TANC1: variants seen among roughly 807,000 people sequenced by gnomAD.
TANC1 encodes the protein protein TANC1.
Under a neutral mutation model 149.7 loss-of-function variants are expected in TANC1, and 77 were observed. That is an observed-to-expected ratio of 0.51 (90% CI 0.43 to 0.62). The LOEUF (loss-of-function observed/expected upper bound fraction) is 0.62, where lower values mean the gene tolerates loss of function less well. Ranked by LOEUF, TANC1 falls within the 20% of genes least tolerant of loss-of-function variation. The pLI is 0.00. For missense variants in TANC1, 1,985 were observed against 2,321.8 expected, an observed-to-expected ratio of 0.85 and a Z score of 2.98; for synonymous variants, 854 against 925.0, an observed-to-expected ratio of 0.92 and a Z score of 1.39.
At chr2:159,009,279 G>A (rs1185517464) in intron 2 of TANC1, among the ~76,000 whole-genome samples, 1 of 152,178 alleles carries the variant, frequency 6.6e-6, no homozygotes, top group Non-Finnish European at 1.5e-5. Flanking sequence ...CCCAAGGAGA[G>A]GAAATCAGTA....
At chr2:159,136,867 A>T (rs1461403844) in intron 5 of TANC1, among the ~76,000 whole-genome samples, 1 of 151,936 alleles carries the variant, frequency 6.6e-6, no homozygotes, top group Non-Finnish European at 1.5e-5. Flanking sequence ...TATACCTGGA[A>T]ATATGTGTGA....
intron 7 of TANC1, among the ~76,000 whole-genome samples, chr2:159,159,455 A>C (rs1315842887): frequency 6.6e-6 from 1 of 151,842 alleles, no homozygotes; most frequent in East Asian, 1.9e-4. Flanking sequence ...AAAAAAAAAA[A>C]AACTTTGGGA....
rs746076889 is a variant in TANC1, at chr2:159,186,811, C to T, written c.2620-91C>T. On this transcript the variant is annotated intron_variant, in intron 15 of 26. Transcript: ENST00000263635. ...AGGTATCTGCACCCTCTGCGGCAGA[C>T]CCACTTTCAGAGTGACCCTGCAGGT... is the stretch of plus-strand genomic sequence containing the variant. 138 of 1,550,998 alleles carry T rather than the reference C, an allele frequency of 8.9e-5. 1 individual carries two copies. The highest frequency in any genetic ancestry group is 5.2e-4 in the Middle Eastern group (3 of 5,742).
chr2:159,081,007 G>A (rs185196017), intron 3 of TANC1, among the ~76,000 whole-genome samples: 2 of 152,278 alleles, frequency 1.3e-5, no homozygotes, highest in East Asian at 3.9e-4. Context: ...TGTGGGAATG[G>A]TAGGCCAGGC....
chr2:159,127,456 C>T (rs762007130), intron 4 of TANC1, among the ~76,000 whole-genome samples: 23 of 152,316 alleles, frequency 1.5e-4, no homozygotes, highest in Non-Finnish European at 3.1e-4. Context: ...AATCCCATTA[C>T]GAGGTATATA....
chr2:159,124,217 G>T (rs1291630640), intron 4 of TANC1, among the ~76,000 whole-genome samples: 1 of 152,140 alleles, frequency 6.6e-6, no homozygotes, highest in Non-Finnish European at 1.5e-5. Context: ...AATTAGCCGG[G>T]TGTGGTGGTG....
In TANC1 at chr2:159,011,356, G is replaced by C. The variant is rs143312690; in HGVS notation, c.-16+10167G>C. Among the ~76,000 whole-genome samples, 686 of 152,104 alleles carry C rather than the reference G, an allele frequency of 4.5e-3. 5 individuals carry two copies. The highest frequency in any genetic ancestry group is 0.015 in the African/African-American group (640 of 41,492). ...ACAACAAAAAAAAACCTTTTTTAAAGATAGTAAGATCTCAAATCTACTCCT... is the reference window on the plus strand; with the variant it reads ...ACAACAAAAAAAAACCTTTTTTAAACATAGTAAGATCTCAAATCTACTCCT... On this transcript the variant is annotated intron_variant, in intron 2 of 26. Transcript: ENST00000263635.
intron 3 of TANC1, among the ~76,000 whole-genome samples, chr2:159,069,952 GT>G (rs777909364): frequency 6.6e-6 from 1 of 151,064 alleles, no homozygotes; most frequent in Non-Finnish European, 1.5e-5. Flanking sequence ...TGCTGTTGTT[GT>G]TTTTTTTAAT....
At chr2:159,083,790 G>A (rs949954530) in intron 3 of TANC1, among the ~76,000 whole-genome samples, 1 of 152,072 alleles carries the variant, frequency 6.6e-6, no homozygotes, top group Non-Finnish European at 1.5e-5. Context: ...AATATGGTTA[G>A]CTGTAGTCAG....
At chr2:159,210,879 T>TG (rs2058940232) in intron 19 of TANC1, among the ~76,000 whole-genome samples, 1 of 151,018 alleles carries the variant, frequency 6.6e-6, no homozygotes, top group South Asian at 2.1e-4. Context: ...TCTTTTAATT[T>TG]TTTTTTTTTT....
intron 2 of TANC1, among the ~76,000 whole-genome samples, chr2:159,014,942 G>A (rs1045201456): frequency 6.6e-6 from 1 of 152,220 alleles, no homozygotes; most frequent in Non-Finnish European, 1.5e-5. Context: ...TGGCATGAGT[G>A]TCTGTGGATT....
chr2:159,035,056 G>A (rs2040072231), intron 2 of TANC1, among the ~76,000 whole-genome samples: 1 of 152,204 alleles, frequency 6.6e-6, no homozygotes, highest in African/African-American at 2.4e-5. Flanking sequence ...GTGGTCTGAG[G>A]AGGCCCAGTG....
rs1217413564 is a variant in TANC1, at chr2:159,148,534, GAC to G, written c.365-606_365-605del. 5.9e-5 allele frequency: 9 copies of G among 152,376 alleles called. No homozygotes were observed. In the East Asian group the frequency reaches 1.7e-3, roughly 29 times the overall value. 9.4% of individuals were successfully genotyped at this position (152,376 alleles called of 1,614,324 possible). A position where few individuals can be genotyped will look rare whatever the true frequency, so the allele number is the denominator to read the frequency against. ...AGTGGTACTGGGTCCTGTCTCTTGG[GAC>G]AAGTTTCACTGTGATTTTAAATTTT... is the stretch of plus-strand genomic sequence containing the variant. On this transcript the variant is annotated intron_variant, in intron 5 of 26. Coordinates refer to ENST00000263635, the MANE Select transcript of TANC1 (RefSeq NM_033394.3).
In TANC1 at chr2:159,001,709, A is replaced by T. The variant is rs1402335981; in HGVS notation, c.-16+520A>T. 6.6e-6 allele frequency among the ~76,000 whole-genome samples: 1 copy of T among 152,220 alleles called. No individual in the cohort carries two copies. The highest frequency in any genetic ancestry group is 1.5e-5 in the Non-Finnish European group (1 of 68,048). ...TCAGAGATGAGGTAAACTCTGCTGT[A>T]CAGATGAGGAATCTCAGGTTTAACC... On this transcript the variant is annotated intron_variant, in intron 2 of 26. Coordinates refer to ENST00000263635, the MANE Select transcript of TANC1 (RefSeq NM_033394.3). The surrounding 1 kb of genome is among the most constrained non-coding windows in gnomAD (Gnocchi z 4.3).
In TANC1 at chr2:159,143,100, A is replaced by T. The variant is rs891327903; in HGVS notation, c.365-6042A>T. On this transcript the variant is annotated intron_variant, in intron 5 of 26. Transcript: ENST00000263635. Reference sequence around the variant, plus strand: ...AAAACAACAAAACAAAACAAAAAAAAACAAAAAACCAACTCTGACAGGATT... The same window carrying T: ...AAAACAACAAAACAAAACAAAAAAATACAAAAAACCAACTCTGACAGGATT... 3.0e-4 allele frequency among the ~76,000 whole-genome samples: 46 copies of T among 151,848 alleles called. 1 individual carries two copies. Among genetic ancestry groups the T allele is most frequent in the Non-Finnish European group, 1.2e-4 (8 of 67,962 alleles).
chr2:159,206,151 A>G (rs2058591208), intron 19 of TANC1, among the ~76,000 whole-genome samples: 2 of 152,142 alleles, frequency 1.3e-5, no homozygotes, highest in Admixed American at 6.6e-5. Flanking sequence ...CGTGGGAGGG[A>G]CCACCCAGGA....
chr2:159,121,853 A>G (rs1297693803), intron 4 of TANC1, among the ~76,000 whole-genome samples: 1 of 152,230 alleles, frequency 6.6e-6, no homozygotes, highest in Non-Finnish European at 1.5e-5. Flanking sequence ...ATACTGTCGG[A>G]GGGTCTGCTT....
At chr2:159,203,310 G>C (rs1238329192) in intron 19 of TANC1, among the ~76,000 whole-genome samples, 1 of 151,744 alleles carries the variant, frequency 6.6e-6, no homozygotes, top group Non-Finnish European at 1.5e-5. Context: ...TGGTTCAAGG[G>C]CTTCTCCTGC....
In TANC1 at chr2:159,115,865, C is replaced by T. The variant is rs1057091890; in HGVS notation, c.259+18031C>T. Among the ~76,000 whole-genome samples the T allele has an allele frequency of 9.9e-5, 15 of 152,246 alleles. 1 individual carries two copies. Among genetic ancestry groups the T allele is most frequent in the Admixed American group, 7.8e-4 (12 of 15,294 alleles). On this transcript the variant is annotated intron_variant, in intron 4 of 26. Coordinates refer to ENST00000263635, the MANE Select transcript of TANC1 (RefSeq NM_033394.3). ...TCTAAGGTTCTGAAAGGTAGAATTT[C>T]AGCCCTCGTTGGTCCTGGGATTCCA... is the stretch of plus-strand genomic sequence containing the variant.
Sources: allele counts gnomAD v4.1 joint callset (sites outside exome capture counted in the v4.1 genomes callset), GRCh38; gene constraint gnomAD v4.1.1; non-coding constraint Gnocchi (gnomAD v3.1); transcripts MANE v1.5; gene names NCBI Gene and HGNC (gene_info 2026-07-23, HGNC 2026-07-21).